RNF214: variants seen among roughly 807,000 people sequenced by gnomAD.
The protein encoded by RNF214 is ring finger protein 214.
RNF214 carries 25 observed loss-of-function variants against 75.9 expected under a neutral mutation model. The observed-to-expected ratio is 0.33, with a 90% CI of 0.24 to 0.46. RNF214 has a LOEUF of 0.46. RNF214 is among the 20% of genes least tolerant of loss of function. The pLI is 1.00. For synonymous variants in RNF214, 314 were observed against 308.8 expected (o/e 1.02, Z -0.18); for missense variants, 725 against 857.5 (o/e 0.85, Z 1.93).
intron 6 of RNF214, among the ~76,000 whole-genome samples, chr11:117,259,415 A>G (rs982857083): frequency 1.1e-4 from 17 of 152,198 alleles, no homozygotes; most frequent in Non-Finnish European, 2.4e-4. Flanking sequence ...ATATTCTTTT[A>G]TTTCTCTTAG....
chr11:117,275,930 A>G (rs1341154787), intron 6 of RNF214, among the ~76,000 whole-genome samples: 1 of 152,226 alleles, frequency 6.6e-6, no homozygotes, highest in Non-Finnish European at 1.5e-5. Context: ...AAAGGACACA[A>G]CAAAAAAAGA....
intron 6 of RNF214, among the ~76,000 whole-genome samples, chr11:117,264,496 T>C (rs1189653217): frequency 6.6e-6 from 1 of 152,162 alleles, no homozygotes; most frequent in Non-Finnish European, 1.5e-5. Context: ...GTATTTTGGA[T>C]ACACCTACTA....
chr11:117,284,647 G>T (rs913759147), intron 14 of RNF214, among the ~76,000 whole-genome samples: 2 of 151,932 alleles, frequency 1.3e-5, no homozygotes, highest in African/African-American at 4.8e-5. Context: ...GCCCTTCTTG[G>T]GGCCAGGCGC....
intron 6 of RNF214, among the ~76,000 whole-genome samples, chr11:117,265,786 T>C (rs144858830): frequency 4.7e-4 from 71 of 152,346 alleles, no homozygotes; most frequent in African/African-American, 1.6e-3. Flanking sequence ...TTATTTTAAG[T>C]GTACATTTTG....
At chr11:117,267,591 T>C (rs937144382) in intron 6 of RNF214, among the ~76,000 whole-genome samples, 1 of 151,220 alleles carries the variant, frequency 6.6e-6, no homozygotes, top group Admixed American at 6.6e-5. Flanking sequence ...TAGCCGAGAG[T>C]GGTAGTGCAT....
chr11:117,247,247 T>C (rs1221545602), intron 6 of RNF214, among the ~76,000 whole-genome samples: 1 of 152,166 alleles, frequency 6.6e-6, no homozygotes, highest in Non-Finnish European at 1.5e-5. Flanking sequence ...CCCAGCGCTT[T>C]GGGACACCAA....
chr11:117,244,603 A>G lies in RNF214; in HGVS notation c.819+18A>G. On this transcript the variant is annotated intron_variant, in intron 5 of 14. Transcript: ENST00000300650. ...ATCACCAGGTATTTTGCTTATATTG[A>G]AATTGTCAATGAGTTAAGCAACAGT... The G allele has an allele frequency of 6.3e-7, 1 of 1,582,236 alleles. No individual in the cohort carries two copies. The highest frequency in any genetic ancestry group is 8.6e-7 in the Non-Finnish European group (1 of 1,165,722).
At chr11:117,246,363 G>A (rs1325978393) in intron 5 of RNF214, among the ~76,000 whole-genome samples, 1 of 151,520 alleles carries the variant, frequency 6.6e-6, no homozygotes, top group East Asian at 1.9e-4. Context: ...ATTTGTTGTT[G>A]TTAAAGAGTA....
intron 6 of RNF214, among the ~76,000 whole-genome samples, chr11:117,249,226 TTTTTTAA>T (rs986348285): frequency 4.6e-5 from 7 of 152,250 alleles, no homozygotes; most frequent in Admixed American, 2.6e-4. Flanking sequence ...TGCCCAGCCT[TTTTTTAA>T]TTTTTAATTT....
intron 6 of RNF214, among the ~76,000 whole-genome samples, chr11:117,268,161 G>A (rs1297025632): frequency 6.6e-6 from 1 of 152,200 alleles, no homozygotes; most frequent in Non-Finnish European, 1.5e-5. Context: ...GGTAATTGGG[G>A]AGACCACCTG....
At chr11:117,277,694 A>G (rs1046205712) in intron 6 of RNF214, among the ~76,000 whole-genome samples, 19 of 152,154 alleles carry the variant, frequency 1.2e-4, no homozygotes, top group African/African-American at 4.3e-4. Flanking sequence ...AGTGGGGGCC[A>G]GGCGTGGTGG....
chr11:117,253,576 T>G (rs2033451558), intron 6 of RNF214, among the ~76,000 whole-genome samples: 1 of 152,208 alleles, frequency 6.6e-6, no homozygotes, highest in South Asian at 2.1e-4. Flanking sequence ...GTGCGATGGC[T>G]TATGCCTGTA....
intron 6 of RNF214, among the ~76,000 whole-genome samples, chr11:117,270,221 A>ATTTTCTTTTC (rs1371279035): frequency 1.0e-5 from 1 of 99,142 alleles, no homozygotes; most frequent in Non-Finnish European, 2.2e-5. Flanking sequence ...AGGCTTTTCA[A>ATTTTCTTTTC]TTTTCTTTTC....
intron 14 of RNF214, among the ~76,000 whole-genome samples, chr11:117,283,845 G>A (rs907762623): frequency 4.0e-5 from 6 of 151,232 alleles, no homozygotes; most frequent in African/African-American, 1.5e-4. Flanking sequence ...TTAGTAGAGA[G>A]AAGGTCTTGT....
chr11:117,253,458 C>T (rs1328766560), intron 6 of RNF214, among the ~76,000 whole-genome samples: 2 of 152,080 alleles, frequency 1.3e-5, no homozygotes, highest in Admixed American at 1.3e-4. Flanking sequence ...AGCTTTTATC[C>T]TTCAGGTTAT....
intron 6 of RNF214, among the ~76,000 whole-genome samples, chr11:117,261,348 G>A (rs138106384): frequency 2.6e-4 from 40 of 152,282 alleles, no homozygotes; most frequent in African/African-American, 7.0e-4. Context: ...GGGAGGCCGA[G>A]GCGGGTGGAT....
chr11:117,276,558 A>G (rs1265686194), intron 6 of RNF214, among the ~76,000 whole-genome samples: 3 of 152,212 alleles, frequency 2.0e-5, no homozygotes, highest in Non-Finnish European at 2.9e-5. Flanking sequence ...TGATCATGCC[A>G]GTGTACTCCA....
chr11:117,255,788 A>C (rs573442256), intron 6 of RNF214, among the ~76,000 whole-genome samples: 13 of 152,258 alleles, frequency 8.5e-5, no homozygotes, highest in Admixed American at 7.9e-4. Flanking sequence ...TAGAGTACCA[A>C]GGTGGGCTCC....
Position 117,238,640 on chromosome 11 carries a change from G to A in RNF214, c.147G>A (p.Leu49=), listed in dbSNP as rs769718403. 2 of 1,614,004 alleles carry A rather than the reference G, an allele frequency of 1.2e-6. No individual in the cohort carries two copies. Among genetic ancestry groups the A allele is most frequent in the Non-Finnish European group, 1.7e-6 (2 of 1,180,010 alleles). The change falls in exon 3 of 15, where the codon CTG becomes CTA. Residue 49 remains leucine (L), a synonymous_variant. Coordinates refer to ENST00000300650, the MANE Select transcript of RNF214 (RefSeq NM_207343.4). ...DSAQKQKNSP[L]LSVSSQTITK... ...CACAGAAGCAGAAGAACTCGCCTCTGTTGAGTGTAAGTAGCCAAACAATAA... is the reference window on the plus strand; with the variant it reads ...CACAGAAGCAGAAGAACTCGCCTCTATTGAGTGTAAGTAGCCAAACAATAA...
Sources: allele counts gnomAD v4.1 joint callset (sites outside exome capture counted in the v4.1 genomes callset), GRCh38; gene constraint gnomAD v4.1.1; transcripts MANE v1.5; gene names NCBI Gene and HGNC (gene_info 2026-07-23, HGNC 2026-07-21).